Variants in TMEM178B observed in about 807,000 individuals in gnomAD.
The protein encoded by TMEM178B is transmembrane protein 178B.
In TMEM178B, 5 loss-of-function variants were observed where a neutral mutation model predicts 31.0. The ratio of observed to expected loss-of-function variants is 0.16; its 90% confidence interval spans 0.08 to 0.34. TMEM178B has a LOEUF of 0.34. Ranked by LOEUF, TMEM178B falls within the 10% of genes least tolerant of loss-of-function variation. The pLI, the probability that TMEM178B is intolerant of heterozygous loss-of-function variation, is 1.00. For synonymous variants in TMEM178B, 164 were observed against 164.0 expected (o/e 1.00, Z 0.00); for missense variants, 275 against 400.3 (o/e 0.69, Z 2.67).
chr7:141,248,009 T>C (rs1013243595), intron 2 of TMEM178B, among the ~76,000 whole-genome samples: 1 of 150,578 alleles, frequency 6.6e-6, no homozygotes, highest in Non-Finnish European at 1.5e-5. Context: ...CCTCTGTTAA[T>C]GCATATGTGA....
chr7:141,260,757 T>C (rs1200679750), intron 2 of TMEM178B, among the ~76,000 whole-genome samples: 1 of 152,202 alleles, frequency 6.6e-6, no homozygotes, highest in East Asian at 1.9e-4. Flanking sequence ...TTAATAAATC[T>C]AGATACAGAG....
At chr7:141,177,591 A>G (rs1226545346) in intron 1 of TMEM178B, among the ~76,000 whole-genome samples, 1 of 152,148 alleles carries the variant, frequency 6.6e-6, no homozygotes, top group African/African-American at 2.4e-5. Flanking sequence ...GTTTCTTTGT[A>G]GGTCTCTAAG....
intron 2 of TMEM178B, among the ~76,000 whole-genome samples, chr7:141,381,229 A>G (rs1485353398): frequency 6.6e-6 from 1 of 152,232 alleles, no homozygotes; most frequent in East Asian, 1.9e-4. Context: ...TTAATAAGCA[A>G]TAGCTTCTTC....
intron 1 of TMEM178B, among the ~76,000 whole-genome samples, chr7:141,117,912 G>A (rs1464374120): frequency 6.6e-6 from 1 of 152,110 alleles, no homozygotes; most frequent in Non-Finnish European, 1.5e-5. Flanking sequence ...GGTTACTGTA[G>A]CCTTGTAGTA....
At chr7:141,140,446 G>A (rs975776761) in intron 1 of TMEM178B, among the ~76,000 whole-genome samples, 9 of 152,316 alleles carry the variant, frequency 5.9e-5, no homozygotes, top group African/African-American at 2.4e-5. Flanking sequence ...TGAGCAGACA[G>A]TATAGAGAGT....
At chr7:141,123,108 T>A (rs1795435735) in intron 1 of TMEM178B, among the ~76,000 whole-genome samples, 1 of 152,248 alleles carries the variant, frequency 6.6e-6, no homozygotes, top group South Asian at 2.1e-4. Context: ...CTCTTCTGAG[T>A]GTCCTGCATG....
intron 2 of TMEM178B, among the ~76,000 whole-genome samples, chr7:141,435,864 G>A (rs902359496): frequency 1.1e-4 from 16 of 152,154 alleles, no homozygotes; most frequent in African/African-American, 3.4e-4. Context: ...AGACAAGGGC[G>A]GCCCTAGTAG....
chr7:141,365,291 G>C (rs1315130313), intron 2 of TMEM178B, among the ~76,000 whole-genome samples: 1 of 152,224 alleles, frequency 6.6e-6, no homozygotes, highest in Non-Finnish European at 1.5e-5. Context: ...GTGTGACCTT[G>C]GCAAAGATAG....
chr7:141,460,637 G>A lies in TMEM178B; in HGVS notation c.635-9899G>A, dbSNP rs796929101. On this transcript the variant is annotated intron_variant, in intron 3 of 3. Transcript: ENST00000565468. Reference sequence around the variant, plus strand: ...TATGGATGGACCAGTCCCTGTAGTCGCTTGAGTTGGGATGCTGTGTTGCTG... The same window carrying A: ...TATGGATGGACCAGTCCCTGTAGTCACTTGAGTTGGGATGCTGTGTTGCTG... 9.8e-5 allele frequency among the ~76,000 whole-genome samples: 15 copies of A among 152,332 alleles called. 1 individual carries two copies. The highest frequency in any genetic ancestry group is 2.9e-4 in the African/African-American group (12 of 41,578).
intron 2 of TMEM178B, among the ~76,000 whole-genome samples, chr7:141,276,210 C>T (rs1798263968): frequency 1.3e-5 from 2 of 152,076 alleles, no homozygotes; most frequent in Non-Finnish European, 2.9e-5. Flanking sequence ...CCGGGTGTGC[C>T]TGGGTGACAG....
chr7:141,318,637 C>T lies in TMEM178B; in HGVS notation c.496+105933C>T, dbSNP rs1319082563. ...TGTTTGATAGCTAAACCTATGCCAC[C>T]CCTTCAGAAGCCTGTACCAAGACAC... On this transcript the variant is annotated intron_variant, in intron 2 of 3. Coordinates refer to ENST00000565468, the MANE Select transcript of TMEM178B (RefSeq NM_001195278.2). This position sits in a 1 kb window ranked among gnomAD's most constrained non-coding sequence, Gnocchi z 4.1. Among the ~76,000 whole-genome samples the T allele has an allele frequency of 6.6e-6, 1 of 152,158 alleles. No individual in the cohort carries two copies. The highest frequency in any genetic ancestry group is 1.5e-5 in the Non-Finnish European group (1 of 68,014).
At chr7:141,307,215 G>C (rs1339668473) in intron 2 of TMEM178B, among the ~76,000 whole-genome samples, 3 of 152,124 alleles carry the variant, frequency 2.0e-5, no homozygotes, top group Non-Finnish European at 2.9e-5. Context: ...CTGTAACCAA[G>C]TTTAGCCTGA....
At chr7:141,380,362 A>G (rs1800292337) in intron 2 of TMEM178B, among the ~76,000 whole-genome samples, 1 of 152,204 alleles carries the variant, frequency 6.6e-6, no homozygotes, top group African/African-American at 2.4e-5. Context: ...TCTTATATTC[A>G]ATTGTAAAAA....
intron 2 of TMEM178B, among the ~76,000 whole-genome samples, chr7:141,264,747 A>G (rs1798067499): frequency 1.3e-5 from 2 of 152,254 alleles, no homozygotes; most frequent in African/African-American, 4.8e-5. Flanking sequence ...AATTAAGGTC[A>G]CAGTTGGAAA....
intron 2 of TMEM178B, among the ~76,000 whole-genome samples, chr7:141,409,793 G>A (rs1800948337): frequency 6.6e-6 from 1 of 151,648 alleles, no homozygotes; most frequent in South Asian, 2.1e-4. Flanking sequence ...AGGAAAGCTG[G>A]GCCCCTCTAT....
intron 2 of TMEM178B, among the ~76,000 whole-genome samples, chr7:141,224,065 C>T (rs138850745): frequency 6.6e-6 from 1 of 152,260 alleles, no homozygotes; most frequent in African/African-American, 2.4e-5. Flanking sequence ...GTGAATAAGT[C>T]TCACGAGATC....
At chr7:141,387,383 T>C (rs974261356) in intron 2 of TMEM178B, among the ~76,000 whole-genome samples, 1 of 152,146 alleles carries the variant, frequency 6.6e-6, no homozygotes, top group Non-Finnish European at 1.5e-5. Flanking sequence ...ATAGAAAAGA[T>C]AGTTTGGCAT....
At chr7:141,233,547 C>T (rs558696251) in intron 2 of TMEM178B, among the ~76,000 whole-genome samples, 5 of 152,302 alleles carry the variant, frequency 3.3e-5, no homozygotes, top group South Asian at 2.1e-4. Context: ...GGCACAGGCA[C>T]CTGTTAAGAG....
intron 1 of TMEM178B, among the ~76,000 whole-genome samples, chr7:141,163,381 G>T (rs552237373): frequency 5.1e-4 from 77 of 152,364 alleles, no homozygotes; most frequent in African/African-American, 1.8e-3. Flanking sequence ...CTCAGATTCA[G>T]GGGGCAGGGA....
Sources: allele counts gnomAD v4.1 joint callset (sites outside exome capture counted in the v4.1 genomes callset), GRCh38; gene constraint gnomAD v4.1.1; non-coding constraint Gnocchi (gnomAD v3.1); transcripts MANE v1.5; gene names NCBI Gene and HGNC (gene_info 2026-07-23, HGNC 2026-07-21).